Variants in GPHN observed in about 807,000 individuals in gnomAD.
The protein encoded by GPHN is gephyrin.
Under a neutral mutation model 95.5 loss-of-function variants are expected in GPHN, and 17 were observed. That is an observed-to-expected ratio of 0.18 (90% CI 0.12 to 0.27). The LOEUF is 0.27. Ranked by LOEUF, GPHN falls within the 10% of genes least tolerant of loss-of-function variation. GPHN has a pLI of 1.00. For synonymous variants in GPHN, 320 were observed against 322.5 expected (o/e 0.99, Z 0.08); for missense variants, 660 against 978.1 (o/e 0.67, Z 4.34).
the GPHN span, among the ~76,000 whole-genome samples, chr14:67,355,449 C>CAAATAAAA: frequency 5.3e-5 from 1 of 18,944 alleles, no homozygotes; most frequent in Non-Finnish European, 1.1e-4. Context: ...GACCCTGTCT[C>CAAATAAAA]AAAAAAAAAA....
the GPHN span, among the ~76,000 whole-genome samples, chr14:67,194,017 G>A: frequency 6.7e-6 from 1 of 148,592 alleles, no homozygotes; most frequent in South Asian, 2.1e-4. Context: ...AAATCTATTT[G>A]TAAAACTGGA....
At chr14:67,517,363 C>A in the GPHN span, among the ~76,000 whole-genome samples, 1 of 152,228 alleles carries the variant, frequency 6.6e-6, no homozygotes, top group Non-Finnish European at 1.5e-5. Context: ...GAATTCCTGG[C>A]ACCTTATGCA....
the GPHN span, among the ~76,000 whole-genome samples, chr14:67,637,428 A>AAAAAAAAGAACTTTAAT: frequency 6.9e-6 from 1 of 144,132 alleles, no homozygotes; most frequent in Non-Finnish European, 1.5e-5. Flanking sequence ...AAAAAAAAAA[A>AAAAAAAAGAACTTTAAT]AAAAAGAACT....
At chr14:67,454,787 G>A in the GPHN span, 4 of 152,188 alleles carry the variant, frequency 2.6e-5, no homozygotes, top group Non-Finnish European at 5.9e-5. Flanking sequence ...CCCTAACCTA[G>A]GCTAGGGAGT....
the GPHN span, among the ~76,000 whole-genome samples, chr14:67,236,063 C>G: frequency 6.6e-6 from 1 of 152,198 alleles, no homozygotes; most frequent in South Asian, 2.1e-4. Context: ...AACATTACCT[C>G]GCATACCATT....
chr14:67,200,387 A>G, the GPHN span: 3 of 590,156 alleles, frequency 5.1e-6, no homozygotes, highest in East Asian at 1.0e-4. Flanking sequence ...CCTTGGACCA[A>G]TCAGAGATGC....
chr14:67,131,632 T>TA (rs1325980335), intron 17 of GPHN, among the ~76,000 whole-genome samples: 1 of 152,196 alleles, frequency 6.6e-6, no homozygotes, highest in Non-Finnish European at 1.5e-5. Flanking sequence ...TGGTTCATTT[T>TA]ATATTTCTGA....
At chr14:67,354,642 G>A in the GPHN span, among the ~76,000 whole-genome samples, 2 of 152,176 alleles carry the variant, frequency 1.3e-5, no homozygotes, top group Non-Finnish European at 2.9e-5. Context: ...GGCATGTGCT[G>A]TCTATATAAC....
At chr14:66,811,838 C>T (rs2060776471) in intron 3 of GPHN, among the ~76,000 whole-genome samples, 1 of 152,124 alleles carries the variant, frequency 6.6e-6, no homozygotes, top group Non-Finnish European at 1.5e-5. Context: ...TTGAATAGCT[C>T]CTATCAGAGC....
intron 13 of GPHN, among the ~76,000 whole-genome samples, chr14:67,104,095 C>T (rs913262068): frequency 4.6e-5 from 7 of 152,062 alleles, no homozygotes; most frequent in African/African-American, 1.7e-4. Context: ...TGAATTTTAT[C>T]AGATGTTTTC....
the GPHN span, chr14:67,585,689 C>G: frequency 7.1e-7 from 1 of 1,399,848 alleles, no homozygotes; most frequent in Middle Eastern, 1.8e-4. Flanking sequence ...CTGACCCCTC[C>G]TCTTCCTCAA....
chr14:66,672,830 A>G (rs917841505), intron 1 of GPHN, among the ~76,000 whole-genome samples: 1 of 152,192 alleles, frequency 6.6e-6, no homozygotes, highest in Non-Finnish European at 1.5e-5. Context: ...TAGAAAATGT[A>G]TAATTGGACC....
chr14:66,552,641 TA>T (rs1471147686), intron 1 of GPHN, among the ~76,000 whole-genome samples: 1 of 152,210 alleles, frequency 6.6e-6, no homozygotes, highest in African/African-American at 2.4e-5. Context: ...TTTGTTTAGC[TA>T]AAAATGTCTT....
At chr14:67,208,436 G>T in the GPHN span, 1 of 1,613,136 alleles carries the variant, frequency 6.2e-7, no homozygotes, top group Admixed American at 1.7e-5. Context: ...AGCTCTCAAG[G>T]CTGAAGAATC....
At chr14:66,539,262 A>G (rs1449947639) in intron 1 of GPHN, among the ~76,000 whole-genome samples, 2 of 152,052 alleles carry the variant, frequency 1.3e-5, no homozygotes, top group East Asian at 3.9e-4. Context: ...GCACTGTAAT[A>G]CTGAGGGAGA....
intron 4 of GPHN, among the ~76,000 whole-genome samples, chr14:66,850,501 T>C (rs1450228940): frequency 6.6e-6 from 1 of 152,116 alleles, no homozygotes; most frequent in Admixed American, 6.6e-5. Flanking sequence ...TGAATTAACA[T>C]GTAGTTTGTA....
chr14:67,473,534 G>C, the GPHN span: 1 of 1,614,114 alleles, frequency 6.2e-7, no homozygotes, highest in Admixed American at 1.7e-5. This position sits in a 1 kb window ranked among gnomAD's most constrained non-coding sequence, Gnocchi z 6.5. Context: ...ACTGCTCCAT[G>C]ATGAGGGCCC....
the GPHN span, among the ~76,000 whole-genome samples, chr14:67,693,326 C>T: frequency 2.0e-5 from 3 of 152,184 alleles, no homozygotes; most frequent in African/African-American, 7.2e-5. Flanking sequence ...TAGCCAGGCA[C>T]CTGGCTTTGG....
intron 6 of GPHN, among the ~76,000 whole-genome samples, chr14:66,920,034 C>G (rs1046280011): frequency 1.3e-5 from 2 of 152,144 alleles, no homozygotes; most frequent in Non-Finnish European, 2.9e-5. Flanking sequence ...CCATTGCACT[C>G]CAGCCTGGGC....
Sources: allele counts gnomAD v4.1 joint callset (sites outside exome capture counted in the v4.1 genomes callset), GRCh38; gene constraint gnomAD v4.1.1; non-coding constraint Gnocchi (gnomAD v3.1); transcripts MANE v1.5; gene names NCBI Gene and HGNC (gene_info 2026-07-23, HGNC 2026-07-21).